The following GTF2A1 variants were observed in gnomAD, a reference collection of about 807,000 sequenced individuals.
The protein encoded by GTF2A1 is general transcription factor IIA subunit 1.
In GTF2A1, 12 loss-of-function variants were observed where a neutral mutation model predicts 54.1. That is an observed-to-expected ratio of 0.22 (90% confidence interval 0.14 to 0.36). The LOEUF (loss-of-function observed/expected upper bound fraction) is 0.36, where lower values mean the gene tolerates loss of function less well. Ranked by LOEUF, GTF2A1 falls within the 10% of genes least tolerant of loss-of-function variation. The pLI is 1.00. For missense variants in GTF2A1, 335 were observed against 442.2 expected, an observed-to-expected ratio of 0.76 and a Z score of 2.17; for synonymous variants, 145 against 152.0, an observed-to-expected ratio of 0.95 and a Z score of 0.34.
Position 81,191,851 on chromosome 14 carries a change from T to A in GTF2A1, c.933+668A>T, listed in dbSNP as rs929562294. Among the ~76,000 whole-genome samples the A allele has an allele frequency of 2.0e-5, 3 of 152,134 alleles. 1 individual carries two copies. Among genetic ancestry groups the A allele is most frequent in the Non-Finnish European group, 4.4e-5 (3 of 68,014 alleles). On this transcript the variant is annotated intron_variant, in intron 7 of 8. Coordinates refer to ENST00000553612, the MANE Select transcript of GTF2A1 (RefSeq NM_015859.4). Reference sequence around the variant, plus strand: ...AACTATGTTTTCTTCAGAAAAAAAATTACTTAGATAATTTAGAAGAACTTT... The same window carrying A: ...AACTATGTTTTCTTCAGAAAAAAAAATACTTAGATAATTTAGAAGAACTTT...
intron 2 of GTF2A1, among the ~76,000 whole-genome samples, chr14:81,211,904 T>TATATATATATATATATA (rs1893378848): frequency 1.4e-5 from 2 of 138,186 alleles, no homozygotes; most frequent in African/African-American, 5.4e-5. Context: ...TATATATATA[T>TATATATATATATATATA]ATATAACTAG....
At chr14:81,197,626 T>C (rs942993495) in intron 4 of GTF2A1, 142 bp from the exon 5 acceptor site, 2 of 535,826 alleles carry the variant, frequency 3.7e-6, no homozygotes, top group African/African-American at 3.9e-5. Context: ...TCCCATTTTA[T>C]AAAATGGTAC....
At chr14:81,187,119 C>G (rs531839481) in intron 7 of GTF2A1, among the ~76,000 whole-genome samples, 1 of 152,226 alleles carries the variant, frequency 6.6e-6, no homozygotes, top group African/African-American at 2.4e-5. Context: ...CTTTGGGAGG[C>G]TGAGGCAGGC....
chr14:81,199,219 A>G (rs1893053293), intron 4 of GTF2A1, among the ~76,000 whole-genome samples: 1 of 152,198 alleles, frequency 6.6e-6, no homozygotes, highest in Non-Finnish European at 1.5e-5. Flanking sequence ...TAGTTTCCAT[A>G]TAGAATACAC....
Position 81,203,999 on chromosome 14 carries a change from G to A in GTF2A1, c.238C>T (p.Gln80Ter). 6.2e-7 allele frequency: 1 copy of A among 1,613,894 alleles called. No homozygotes were observed. Among genetic ancestry groups the A allele is most frequent in the Non-Finnish European group, 8.5e-7 (1 of 1,179,834 alleles). The stretch of plus-strand genomic sequence containing the variant: ...TGATGATGGTGATGGTGGTGATGCT[G>A]CTGCTGCTGGGGTTGATGCTGCTGT... ...VQQQHQPQQQ[Q>*]HHHHHHHQQA... The change falls in exon 3 of 9, where the codon CAG becomes TAG. Residue 80 changes from glutamine (Q) to a stop codon, truncating the protein, a stop_gained. Coordinates refer to ENST00000553612, the MANE Select transcript of GTF2A1 (RefSeq NM_015859.4). LOFTEE classifies it high-confidence loss of function.
chr14:81,185,851 T>A (rs1892732605), intron 7 of GTF2A1, among the ~76,000 whole-genome samples: 2 of 152,170 alleles, frequency 1.3e-5, no homozygotes, highest in Admixed American at 1.3e-4. Context: ...TCTGAAAAGA[T>A]GTTTATCTTT....
At chr14:81,188,936 G>A (rs954153268) in intron 7 of GTF2A1, among the ~76,000 whole-genome samples, 5 of 152,040 alleles carry the variant, frequency 3.3e-5, no homozygotes, top group Admixed American at 1.3e-4. Context: ...TTTTGCATGC[G>A]GATATCTAAT....
chr14:81,218,310 A>C (rs1028595566), intron 1 of GTF2A1, among the ~76,000 whole-genome samples: 2 of 152,198 alleles, frequency 1.3e-5, no homozygotes, highest in African/African-American at 4.8e-5. Flanking sequence ...TCTCAACTTA[A>C]TAAATCATTA....
At chr14:81,207,003 A>T (rs766875260) in intron 2 of GTF2A1, among the ~76,000 whole-genome samples, 4 of 152,154 alleles carry the variant, frequency 2.6e-5, no homozygotes, top group Admixed American at 6.5e-5. Flanking sequence ...GGAGGGTCCT[A>T]GTCAAGAAGT....
intron 3 of GTF2A1, chr14:81,202,578 T>TA (rs1595221520): frequency 2.1e-6 from 1 of 480,258 alleles, no homozygotes; most frequent in East Asian, 5.5e-5. Context: ...GGCATCAATA[T>TA]GGTGGCCTCC....
chr14:81,181,954 T>C (rs145630030), intron 8 of GTF2A1, among the ~76,000 whole-genome samples: 98 of 152,334 alleles, frequency 6.4e-4, no homozygotes, highest in African/African-American at 2.2e-3. Context: ...TCTGCTTAAA[T>C]ACGATTAGAA....
At position 81,178,833 on chromosome 14, in the gene GTF2A1, G is replaced by T. The variant is rs1389238988; in HGVS notation, c.*1390C>A. The T allele has an allele frequency of 1.3e-5, 2 of 152,200 alleles. No individual in the cohort carries two copies. The highest frequency in any genetic ancestry group is 2.9e-5 in the Non-Finnish European group (2 of 68,038). The allele number at this position is 152,200 out of a possible 1,614,324, so 9.4% of individuals were successfully genotyped here. A position where few individuals can be genotyped will look rare whatever the true frequency, so the allele number is the denominator to read the frequency against. ...TAAACCATGGAAAGTTGAATTCGTT[G>T]TAAGAACACAATGGTGAAGACAAGC... On this transcript the variant is annotated 3_prime_UTR_variant, in exon 9 of 9. Coordinates refer to ENST00000553612, the MANE Select transcript of GTF2A1 (RefSeq NM_015859.4).
At chr14:81,209,536 T>G (rs117343046) in intron 2 of GTF2A1, among the ~76,000 whole-genome samples, 226 of 152,332 alleles carry the variant, frequency 1.5e-3, no homozygotes, top group Non-Finnish European at 2.6e-3. Flanking sequence ...GGTCTCATTT[T>G]ACTACCCTAT....
chr14:81,200,194 G>A (rs1346132115), intron 4 of GTF2A1, among the ~76,000 whole-genome samples: 3 of 152,124 alleles, frequency 2.0e-5, no homozygotes, highest in Non-Finnish European at 4.4e-5. Context: ...TTGTGAGGCT[G>A]GTAATGTGTA....
chr14:81,206,919 T>C (rs1893243990), intron 2 of GTF2A1, among the ~76,000 whole-genome samples: 1 of 152,192 alleles, frequency 6.6e-6, no homozygotes, highest in East Asian at 1.9e-4. Context: ...GAAAAAACTT[T>C]TGCAGATTTT....
At chr14:81,205,803 T>C (rs1893216290) in intron 2 of GTF2A1, among the ~76,000 whole-genome samples, 1 of 152,240 alleles carries the variant, frequency 6.6e-6, no homozygotes, top group East Asian at 1.9e-4. Flanking sequence ...TAACAAGCAC[T>C]ACTTTCTGAG....
chr14:81,185,748 A>AT (rs1393966210), intron 7 of GTF2A1, 128 bp from the exon 8 acceptor site: 3 of 502,430 alleles, frequency 6.0e-6, no homozygotes, highest in African/African-American at 5.9e-5. Flanking sequence ...CATGAATTTA[A>AT]TATTGTCAAA....
intron 6 of GTF2A1, among the ~76,000 whole-genome samples, chr14:81,195,056 C>A (rs1291687716): frequency 6.6e-6 from 1 of 150,644 alleles, no homozygotes; most frequent in Non-Finnish European, 1.5e-5. Context: ...AGGAGAATCA[C>A]TTGAACCCAG....
At chr14:81,188,751 T>C (rs1566852387) in intron 7 of GTF2A1, among the ~76,000 whole-genome samples, 1 of 150,276 alleles carries the variant, frequency 6.7e-6, no homozygotes. Flanking sequence ...CACTCCAGCC[T>C]GGGCGATAGC....
Sources: gnomAD v4.1 joint callset for allele counts (sites outside exome capture counted in the v4.1 genomes callset) on GRCh38, gnomAD v4.1.1 for gene constraint, MANE v1.5 for transcripts, NCBI Gene and HGNC (gene_info 2026-07-23, HGNC 2026-07-21) for gene names.